Variants in MICAL3 observed in about 807,000 individuals in gnomAD.
The protein encoded by MICAL3 is microtubule associated monooxygenase, calponin and LIM domain containing 3.
A neutral mutation model predicts 207.4 loss-of-function variants in MICAL3; 62 were observed. The ratio of observed to expected loss-of-function variants is 0.30; its 90% CI spans 0.24 to 0.37. MICAL3 has a LOEUF of 0.37. MICAL3 is among the 10% of genes least tolerant of loss of function. The pLI, the probability that MICAL3 is intolerant of heterozygous loss-of-function variation, is 1.00. For missense variants in MICAL3, 2,368 were observed against 2,635.6 expected, an observed-to-expected ratio of 0.90 and a Z score of 2.22; for synonymous variants, 1,077 against 1,069.3, an observed-to-expected ratio of 1.01 and a Z score of -0.14.
intron 1 of MICAL3, among the ~76,000 whole-genome samples, chr22:17,984,808 T>C (rs1370075086): frequency 6.6e-6 from 1 of 152,220 alleles, no homozygotes; most frequent in Non-Finnish European, 1.5e-5. Flanking sequence ...AGTTAGGTAT[T>C]GTTCATACAA....
intron 1 of MICAL3, among the ~76,000 whole-genome samples, chr22:17,923,981 CT>C (rs576148996): frequency 1.6e-3 from 250 of 152,324 alleles, no homozygotes; most frequent in African/African-American, 5.5e-3. Flanking sequence ...CAAACACATC[CT>C]TCTTCACATG....
At position 17,864,799 on chromosome 22, in the gene MICAL3, G is replaced by T. The variant is rs560347115; in HGVS notation, c.2605+100C>A. ...GTTTTGGGCCACTTGTTGCCCGAAT[G>T]AAGAAATGTTGCTTTGGAGGTGCTG... is the stretch of plus-strand genomic sequence containing the variant. On this transcript the variant is annotated intron_variant, in intron 19 of 31. Coordinates refer to ENST00000441493, the MANE Select transcript of MICAL3 (RefSeq NM_015241.3). 3 of 1,613,960 alleles carry T rather than the reference G, an allele frequency of 1.9e-6. No individual in the cohort carries two copies. The African/African-American group carries it at 4.0e-5, about 22-fold the overall frequency.
chr22:17,895,213 T>C (rs1238780851), intron 10 of MICAL3, 71 bp downstream of exon 10: 45 of 1,511,156 alleles, frequency 3.0e-5, no homozygotes, highest in Non-Finnish European at 3.9e-5. Flanking sequence ...GGTGCACGCA[T>C]CTCAACAGAT....
At chr22:17,918,836 C>A (rs1184570905) in intron 1 of MICAL3, among the ~76,000 whole-genome samples, 1 of 152,152 alleles carries the variant, frequency 6.6e-6, no homozygotes, top group Non-Finnish European at 1.5e-5. Flanking sequence ...TACTAGTGAG[C>A]ATCTATTATG....
chr22:17,980,250 C>A (rs1207418541), intron 1 of MICAL3, among the ~76,000 whole-genome samples: 1 of 152,162 alleles, frequency 6.6e-6, no homozygotes, highest in African/African-American at 2.4e-5. Flanking sequence ...ACAGCAGCAG[C>A]TCAGGGCAGG....
In MICAL3 at chr22:17,985,765, T is replaced by A. The variant is rs1213856735; in HGVS notation, c.-75+38516A>T. On this transcript the variant is annotated intron_variant, in intron 1 of 31. Transcript: ENST00000441493. ...AGGCTTTCTCATCTAGACTGGGAGATCAGAGTCTGCAGAGGCCACTCGCAT... is the reference window on the plus strand; with the variant it reads ...AGGCTTTCTCATCTAGACTGGGAGAACAGAGTCTGCAGAGGCCACTCGCAT... 5.3e-5 allele frequency among the ~76,000 whole-genome samples: 8 copies of A among 152,134 alleles called. No homozygotes were observed. In the East Asian group the frequency reaches 1.6e-3, roughly 29 times the overall value.
chr22:17,877,104 G>C (rs1278021247), intron 16 of MICAL3, among the ~76,000 whole-genome samples: 5 of 142,262 alleles, frequency 3.5e-5, no homozygotes, highest in African/African-American at 8.0e-5. Flanking sequence ...GGTTAGGGAG[G>C]TTATGGAGGT....
intron 22 of MICAL3, among the ~76,000 whole-genome samples, chr22:17,825,616 A>C (rs572210407): frequency 6.6e-6 from 1 of 152,128 alleles, no homozygotes. Flanking sequence ...CTGAAGCCCC[A>C]CGAGCTCCCA....
chr22:17,932,724 G>C (rs966561452), intron 1 of MICAL3, among the ~76,000 whole-genome samples: 2 of 151,964 alleles, frequency 1.3e-5, no homozygotes, highest in Non-Finnish European at 2.9e-5. Context: ...CTGTATTCAG[G>C]AGACTCATGT....
chr22:17,955,344 G>A (rs994588204), intron 1 of MICAL3, among the ~76,000 whole-genome samples: 1 of 152,194 alleles, frequency 6.6e-6, no homozygotes, highest in Non-Finnish European at 1.5e-5. Context: ...ACAGGTGTGT[G>A]TCTGCCCTGC....
chr22:17,975,042 C>T (rs907207417), intron 1 of MICAL3, among the ~76,000 whole-genome samples: 17 of 152,226 alleles, frequency 1.1e-4, no homozygotes, highest in African/African-American at 3.4e-4. Flanking sequence ...TGGAAACATT[C>T]CCAGGAATAA....
At chr22:17,891,719 T>C in intron 11 of MICAL3, 87 bp from the exon 12 acceptor site, 1 of 1,333,190 alleles carries the variant, frequency 7.5e-7, no homozygotes, top group African/African-American at 1.5e-5. Flanking sequence ...CATGTCCCCT[T>C]TGAAAAATTA....
chr22:17,899,451 T>C lies in MICAL3; in HGVS notation c.945A>G (p.Leu315=), dbSNP rs1394452613. 1.3e-6 allele frequency: 2 copies of C among 1,592,918 alleles called. No homozygotes were observed. Among genetic ancestry groups the C allele is most frequent in the Non-Finnish European group, 1.7e-6 (2 of 1,163,390 alleles). The change falls in exon 7 of 32, where the codon CTA becomes CTG. Residue 315 remains leucine (L), a synonymous_variant. Coordinates refer to ENST00000441493, the MANE Select transcript of MICAL3 (RefSeq NM_015241.3). ...KQSLLDKGVI[L]HDYADTELLL... ...TTGAAGGAAATCCGTGGCTCACATG[T>C]AGTATCACTCCTTTGTCCAGCAAAC... is the stretch of plus-strand genomic sequence containing the variant.
At chr22:17,963,546 G>A (rs368873350) in intron 1 of MICAL3, among the ~76,000 whole-genome samples, 3 of 152,130 alleles carry the variant, frequency 2.0e-5, no homozygotes, top group African/African-American at 7.2e-5. Flanking sequence ...ACGGCCAAGC[G>A]CCATCCTGCC....
At position 17,850,400 on chromosome 22, in the gene MICAL3, GTTTTTTTTTTTTT is replaced by G. The variant is rs565667574; in HGVS notation, c.2606-8396_2606-8384del. The stretch of plus-strand genomic sequence containing the variant: ...CTGTGGAACTTTTGCTTTTGAATTA[GTTTTTTTTTTTTT>G]TTTTTTTTTTTTTTTGAGATGGAGT... On this transcript the variant is annotated intron_variant, in intron 19 of 31. Coordinates refer to ENST00000441493, the MANE Select transcript of MICAL3 (RefSeq NM_015241.3). 9.4e-5 allele frequency among the ~76,000 whole-genome samples: 7 copies of G among 74,418 alleles called. 1 individual carries two copies. The East Asian group carries it at 2.2e-3, about 23-fold the overall frequency. The allele number at this position is 74,418 out of a possible 152,430, so 48.8% of individuals were successfully genotyped here.
chr22:17,802,599 G>A (rs995257142), intron 29 of MICAL3, among the ~76,000 whole-genome samples: 16 of 152,220 alleles, frequency 1.1e-4, no homozygotes, highest in Admixed American at 7.2e-4. Context: ...AGCACAGACA[G>A]CAACAGTCTC....
chr22:17,827,089 T>G (rs962841892), intron 22 of MICAL3, among the ~76,000 whole-genome samples: 1 of 152,194 alleles, frequency 6.6e-6, no homozygotes, highest in African/African-American at 2.4e-5. Flanking sequence ...GGTCCTTCTC[T>G]TATTGCTATT....
At chr22:17,821,002 A>T (rs1316044) in intron 25 of MICAL3, among the ~76,000 whole-genome samples, 2 of 96,636 alleles carry the variant, frequency 2.1e-5, no homozygotes, top group African/African-American at 3.2e-5. Flanking sequence ...ATAAATTTAT[A>T]TTTATAAACA....
chr22:17,825,627 T>C lies in MICAL3; in HGVS notation c.3193+2017A>G, dbSNP rs144732134. Among the ~76,000 whole-genome samples the C allele has an allele frequency of 4.0e-3, 615 of 152,316 alleles. 5 individuals are homozygous for C. The highest frequency in any genetic ancestry group is 0.014 in the Middle Eastern group (4 of 294). ...GCTGCTGAAGCCCCACGAGCTCCCA[T>C]GTCCGCATCCCAGAAGTGACCGCTA... On this transcript the variant is annotated intron_variant, in intron 22 of 31. Transcript: ENST00000441493.
Sources: gnomAD v4.1 joint callset for allele counts (sites outside exome capture counted in the v4.1 genomes callset) on GRCh38, gnomAD v4.1.1 for gene constraint, MANE v1.5 for transcripts, NCBI Gene and HGNC (gene_info 2026-07-23, HGNC 2026-07-21) for gene names.